Variants in PCDHGB6 observed in about 807,000 individuals in gnomAD.
PCDHGB6 encodes the protein protocadherin gamma subfamily B, 6, also known as protocadherin gamma-B6.
In PCDHGB6, 51 loss-of-function variants were observed where a neutral mutation model predicts 59.1. That is an observed-to-expected ratio of 0.86 (90% CI 0.69 to 1.09). The LOEUF (loss-of-function observed/expected upper bound fraction) is 1.09, where lower values mean the gene tolerates loss of function less well. Ranked by LOEUF, PCDHGB6 falls within the 50% of genes least tolerant of loss-of-function variation. The probability of loss-of-function intolerance (pLI) is 0.00; values close to 1 mark genes in which losing one functional copy is unlikely to be tolerated. For synonymous variants in PCDHGB6, 466 were observed against 495.1 expected, an observed-to-expected ratio of 0.94 and a Z score of 0.78; for missense variants, 1,148 against 1,205.1, an observed-to-expected ratio of 0.95 and a Z score of 0.70.
chr5:141,459,886 G>A (rs932435611), intron 1 of PCDHGB6, among the ~76,000 whole-genome samples: 2 of 152,080 alleles, frequency 1.3e-5, no homozygotes, highest in Non-Finnish European at 2.9e-5. Context: ...TGAGCTGAAC[G>A]CCTTCTTAAA....
intron 1 of PCDHGB6, among the ~76,000 whole-genome samples, chr5:141,455,576 G>T (rs752051075): frequency 1.3e-5 from 2 of 152,154 alleles, no homozygotes; most frequent in Non-Finnish European, 2.9e-5. Flanking sequence ...TCCCACCCCA[G>T]CCTTTTAATA....
chr5:141,466,068 G>C (rs1278308918), intron 1 of PCDHGB6, among the ~76,000 whole-genome samples: 4 of 152,080 alleles, frequency 2.6e-5, no homozygotes, highest in Admixed American at 2.6e-4. Flanking sequence ...CTTGCAGTGA[G>C]CTGATATCAT....
At chr5:141,502,483 G>A (rs773081419) in intron 2 of PCDHGB6, among the ~76,000 whole-genome samples, 42 of 152,144 alleles carry the variant, frequency 2.8e-4, no homozygotes, top group Non-Finnish European at 4.7e-4. Context: ...GCATCACACT[G>A]GGACTCATCT....
intron 1 of PCDHGB6, chr5:141,414,590 G>C (rs1287207695): frequency 1.2e-6 from 2 of 1,613,936 alleles, no homozygotes; most frequent in South Asian, 1.1e-5. Flanking sequence ...AACGCCAGGG[G>C]TGCCTCCATC....
At chr5:141,442,895 A>G (rs1381559903) in intron 1 of PCDHGB6, among the ~76,000 whole-genome samples, 5 of 152,182 alleles carry the variant, frequency 3.3e-5, no homozygotes, top group African/African-American at 1.2e-4. Context: ...CCTGCTTATC[A>G]CTTCTCCTTC....
At chr5:141,461,011 A>G (rs971172615) in intron 1 of PCDHGB6, among the ~76,000 whole-genome samples, 2 of 151,288 alleles carry the variant, frequency 1.3e-5, no homozygotes, top group Non-Finnish European at 2.9e-5. Context: ...ATATATATAT[A>G]CCACATTTTC....
At chr5:141,465,833 T>A (rs2099110537) in intron 1 of PCDHGB6, among the ~76,000 whole-genome samples, 1 of 152,002 alleles carries the variant, frequency 6.6e-6, no homozygotes, top group Non-Finnish European at 1.5e-5. Context: ...GTTTAAAATT[T>A]CAACTGAGGC....
Position 141,485,298 on chromosome 5 carries a change from G to A in PCDHGB6, c.2419-9509G>A, listed in dbSNP as rs1562104502. 1 of 1,613,978 alleles carries A rather than the reference G, an allele frequency of 6.2e-7. No individual in the cohort carries two copies. On this transcript the variant is annotated intron_variant, in intron 1 of 3. Coordinates refer to ENST00000520790, the MANE Select transcript of PCDHGB6 (RefSeq NM_018926.3). This position sits in a 1 kb window ranked among gnomAD's most constrained non-coding sequence, Gnocchi z 5.7. ...CCGGTCCCAGAGGAGTCACAGGAAG[G>A]GACTTTTGTAGGGAATGTCGCTCAA...
chr5:141,504,645 T>C (rs1481469819), intron 2 of PCDHGB6, among the ~76,000 whole-genome samples: 2 of 112,538 alleles, frequency 1.8e-5, no homozygotes, highest in Non-Finnish European at 3.4e-5. Context: ...GGTTTGATGA[T>C]AGAGTGTTTG....
chr5:141,412,415 T>C (rs897201034), intron 1 of PCDHGB6: 5 of 152,248 alleles, frequency 3.3e-5, no homozygotes, highest in Non-Finnish European at 4.4e-5. Context: ...AGATAAAGTA[T>C]GTTTTACACA....
chr5:141,421,410 G>A lies in PCDHGB6; in HGVS notation c.2418+10790G>A, dbSNP rs538537555. On this transcript the variant is annotated intron_variant, in intron 1 of 3. Transcript: ENST00000520790. ...TGGGGCTGGAGCCCCGGGAGCTGGCGAAGCGCGGAGTCCGCATCGTCTCCA... is the reference window on the plus strand; with the variant it reads ...TGGGGCTGGAGCCCCGGGAGCTGGCAAAGCGCGGAGTCCGCATCGTCTCCA... The A allele has an allele frequency of 3.7e-6, 6 of 1,614,084 alleles. No homozygotes were observed. In the African/African-American group the frequency reaches 6.7e-5, roughly 18 times the overall value.
At chr5:141,445,249 G>A (rs1337658576) in intron 1 of PCDHGB6, among the ~76,000 whole-genome samples, 2 of 152,170 alleles carry the variant, frequency 1.3e-5, no homozygotes, top group South Asian at 4.1e-4. Flanking sequence ...ACTATATTGT[G>A]TGAGAATATA....
chr5:141,498,053 G>A (rs2099781284), intron 2 of PCDHGB6, among the ~76,000 whole-genome samples: 1 of 152,204 alleles, frequency 6.6e-6, no homozygotes, highest in Non-Finnish European at 1.5e-5. Flanking sequence ...AAATAAATGT[G>A]AGACTGAAAC....
intron 1 of PCDHGB6, among the ~76,000 whole-genome samples, chr5:141,470,205 G>T (rs934926584): frequency 6.6e-6 from 1 of 152,094 alleles, no homozygotes; most frequent in Non-Finnish European, 1.5e-5. Flanking sequence ...AAATATGAAG[G>T]CTAAACCATT....
At position 141,432,436 on chromosome 5, in the gene PCDHGB6, G is replaced by C; in HGVS notation, c.2418+21816G>C. ...TCGTGCTGGACCAGAACGACAATGC[G>C]CCCGAGATCCTGTACCCCGCCCTCC... On this transcript the variant is annotated intron_variant, in intron 1 of 3. Transcript: ENST00000520790. This position sits in a 1 kb window ranked among gnomAD's most constrained non-coding sequence, Gnocchi z 6.0. 1 of 1,614,196 alleles carries C rather than the reference G, an allele frequency of 6.2e-7. No individual in the cohort carries two copies. Among genetic ancestry groups the C allele is most frequent in the Middle Eastern group, 1.6e-4 (1 of 6,062 alleles).
At position 141,497,540 on chromosome 5, in the gene PCDHGB6, C is replaced by CT. The variant is rs754207034; in HGVS notation, c.2477+2693dup. On this transcript the variant is annotated intron_variant, in intron 2 of 3. Transcript: ENST00000520790. Reference sequence around the variant, plus strand: ...TTAACTTGTGGAGGATGCAACAAACCTTTTTTTTTTTTTTTTTTAGACAGA... The same window carrying CT: ...TTAACTTGTGGAGGATGCAACAAACCTTTTTTTTTTTTTTTTTTTAGACAGA... Among the ~76,000 whole-genome samples, 618 of 134,908 alleles carry CT rather than the reference C, an allele frequency of 4.6e-3. 3 individuals carry two copies. The highest frequency in any genetic ancestry group is 0.012 in the African/African-American group (419 of 35,974). 88.5% of individuals were successfully genotyped at this position (134,908 alleles called of 152,430 possible). A position where few individuals can be genotyped will look rare whatever the true frequency, so the allele number is the denominator to read the frequency against.
chr5:141,487,831 A>T lies in PCDHGB6; in HGVS notation c.2419-6976A>T. 2 of 1,144,322 alleles carry T rather than the reference A, an allele frequency of 1.7e-6. No individual in the cohort carries two copies. Among genetic ancestry groups the T allele is most frequent in the Non-Finnish European group, 2.4e-6 (2 of 818,294 alleles). 70.9% of individuals were successfully genotyped at this position (1,144,322 alleles called of 1,614,324 possible). ...TTAGCATTGGGGGCGGGTCATGCCT[A>T]TATCTGAGTAAGAAATGAAAGTAAT... On this transcript the variant is annotated intron_variant, in intron 1 of 3. Transcript: ENST00000520790. The surrounding 1 kb of genome is among the most constrained non-coding windows in gnomAD (Gnocchi z 5.0).
Position 141,487,306 on chromosome 5 carries a change from ACT to A in PCDHGB6, c.2419-7496_2419-7495del. 1 of 1,613,414 alleles carries A rather than the reference ACT, an allele frequency of 6.2e-7. No individual in the cohort carries two copies. The highest frequency in any genetic ancestry group is 8.5e-7 in the Non-Finnish European group (1 of 1,179,874). ...TCTCCTTTGGCTCATTCGTGGCACT[ACT>A]CTCTAAGTGTCTTCGTGGGGCAGCC... On this transcript the variant is annotated intron_variant, in intron 1 of 3. Coordinates refer to ENST00000520790, the MANE Select transcript of PCDHGB6 (RefSeq NM_018926.3). The surrounding 1 kb of genome is among the most constrained non-coding windows in gnomAD (Gnocchi z 5.0).
At chr5:141,436,471 A>G (rs1249793994) in intron 1 of PCDHGB6, among the ~76,000 whole-genome samples, 1 of 152,204 alleles carries the variant, frequency 6.6e-6, no homozygotes, top group Non-Finnish European at 1.5e-5. Flanking sequence ...TTTCAGATGT[A>G]TCATAGAAGG....
Sources: gnomAD v4.1 joint callset for allele counts (sites outside exome capture counted in the v4.1 genomes callset) on GRCh38, gnomAD v4.1.1 for gene constraint, Gnocchi (gnomAD v3.1) non-coding constraint, MANE v1.5 for transcripts, NCBI Gene and HGNC (gene_info 2026-07-23, HGNC 2026-07-21) for gene names.